NRG3: variants seen among roughly 807,000 people sequenced by gnomAD.
NRG3 encodes the protein neuregulin 3, also known as pro-neuregulin-3, membrane-bound isoform.
In NRG3, 31 loss-of-function variants were observed where a neutral mutation model predicts 66.9. The observed-to-expected ratio is 0.46, with a 90% CI of 0.35 to 0.63. The LOEUF (loss-of-function observed/expected upper bound fraction) is 0.63. NRG3 is among the 20% of genes least tolerant of loss of function. The pLI is 0.00. For missense variants in NRG3, 910 were observed against 878.9 expected (o/e 1.04, Z -0.45); for synonymous variants, 393 against 359.4 (o/e 1.09, Z -1.06).
chr10:82,475,134 A>G (rs1211366146), intron 2 of NRG3, among the ~76,000 whole-genome samples: 1 of 151,992 alleles, frequency 6.6e-6, no homozygotes, highest in Admixed American at 6.5e-5. Flanking sequence ...GAGAACAGAA[A>G]AAGAATAGAA....
intron 3 of NRG3, among the ~76,000 whole-genome samples, chr10:82,755,285 G>A (rs1467412285): frequency 6.6e-6 from 1 of 152,064 alleles, no homozygotes; most frequent in East Asian, 1.9e-4. Context: ...TGCCTTTGTA[G>A]TCACTACCAT....
At chr10:82,457,741 C>A (rs966056868) in intron 2 of NRG3, among the ~76,000 whole-genome samples, 1 of 152,166 alleles carries the variant, frequency 6.6e-6, no homozygotes, top group Non-Finnish European at 1.5e-5. Context: ...ATCCCCTGAC[C>A]AGCATCAGCC....
chr10:82,397,778 C>G (rs942890216), intron 2 of NRG3, among the ~76,000 whole-genome samples: 8 of 152,128 alleles, frequency 5.3e-5, no homozygotes, highest in African/African-American at 1.9e-4. Flanking sequence ...TCCCTCTTCA[C>G]AAAGAGAAAA....
At chr10:82,973,604 G>T (rs750113576) in intron 6 of NRG3, among the ~76,000 whole-genome samples, 184 bp from the exon 7 acceptor site, 2 of 152,116 alleles carry the variant, frequency 1.3e-5, no homozygotes, top group Non-Finnish European at 2.9e-5. Context: ...AGATGGTTGG[G>T]GCAGGGGAGG....
chr10:82,726,692 C>A (rs891135134), intron 2 of NRG3, among the ~76,000 whole-genome samples: 2 of 152,032 alleles, frequency 1.3e-5, no homozygotes, highest in Non-Finnish European at 2.9e-5. Flanking sequence ...AATTTGTTAC[C>A]AGTAGAGCGG....
chr10:81,994,181 CAT>C (rs10547326), intron 1 of NRG3, among the ~76,000 whole-genome samples: 2,365 of 152,196 alleles, frequency 0.016, 64 homozygotes, highest in African/African-American at 0.054. Context: ...TACAATCAAA[CAT>C]AGTATCTTCA....
intron 1 of NRG3, among the ~76,000 whole-genome samples, chr10:81,922,146 T>A (rs1846307877): frequency 6.6e-6 from 1 of 152,178 alleles, no homozygotes; most frequent in Non-Finnish European, 1.5e-5. Context: ...CGACTTTTTT[T>A]GTCATCTCAT....
chr10:82,874,991 A>G (rs1841678426), intron 4 of NRG3, among the ~76,000 whole-genome samples: 1 of 152,246 alleles, frequency 6.6e-6, no homozygotes, highest in Non-Finnish European at 1.5e-5. Flanking sequence ...AGCAAATGAA[A>G]TATGAACCAG....
chr10:82,367,557 AT>A (rs956761619), intron 2 of NRG3, among the ~76,000 whole-genome samples: 3 of 152,082 alleles, frequency 2.0e-5, no homozygotes, highest in Admixed American at 6.5e-5. Flanking sequence ...AAAGATAAAT[AT>A]TTTTTAAAGA....
intron 3 of NRG3, among the ~76,000 whole-genome samples, chr10:82,849,878 C>A (rs1024233090): frequency 2.2e-4 from 34 of 152,028 alleles, no homozygotes; most frequent in African/African-American, 8.2e-4. Flanking sequence ...TCCAGAGATG[C>A]CATGGGAGGG....
chr10:82,010,644 C>T (rs1228872082), intron 1 of NRG3, among the ~76,000 whole-genome samples: 1 of 152,146 alleles, frequency 6.6e-6, no homozygotes, highest in Admixed American at 6.5e-5. Flanking sequence ...TCAACAAAAA[C>T]GCTGCTTCTT....
At chr10:82,161,802 A>G (rs1333864223) in intron 1 of NRG3, among the ~76,000 whole-genome samples, 1 of 152,144 alleles carries the variant, frequency 6.6e-6, no homozygotes, top group East Asian at 1.9e-4. Flanking sequence ...CCTATTTGAC[A>G]GATGGAGATC....
intron 3 of NRG3, among the ~76,000 whole-genome samples, chr10:82,844,043 A>C (rs2063192110): frequency 6.6e-6 from 1 of 152,204 alleles, no homozygotes; most frequent in South Asian, 2.1e-4. Flanking sequence ...TATATATAAG[A>C]ACACAAATAA....
At chr10:82,294,676 G>A (rs2079954162) in intron 1 of NRG3, among the ~76,000 whole-genome samples, 1 of 152,120 alleles carries the variant, frequency 6.6e-6, no homozygotes, top group African/African-American at 2.4e-5. Context: ...TTCACCACAT[G>A]ATTTTCTCTC....
At chr10:82,437,018 G>C (rs1463994584) in intron 2 of NRG3, among the ~76,000 whole-genome samples, 1 of 151,920 alleles carries the variant, frequency 6.6e-6, no homozygotes, top group African/African-American at 2.4e-5. Context: ...TGTGTCTTGG[G>C]GTTGATCTTC....
At chr10:82,435,490 T>G (rs1259051542) in intron 2 of NRG3, among the ~76,000 whole-genome samples, 1 of 152,216 alleles carries the variant, frequency 6.6e-6, no homozygotes, top group African/African-American at 2.4e-5. Flanking sequence ...TTCTGCTGGC[T>G]TTTGGATTAG....
At chr10:82,627,790 T>C (rs955540733) in intron 2 of NRG3, among the ~76,000 whole-genome samples, 4 of 152,186 alleles carry the variant, frequency 2.6e-5, no homozygotes, top group African/African-American at 9.6e-5. Flanking sequence ...TTCTAGGTTA[T>C]ATAAAGGTAA....
chr10:82,255,552 G>C (rs532077610), intron 1 of NRG3, among the ~76,000 whole-genome samples: 4 of 152,044 alleles, frequency 2.6e-5, no homozygotes, highest in Non-Finnish European at 5.9e-5. Flanking sequence ...GAAAACTTCT[G>C]TACTGTTTTC....
chr10:82,802,815 G>T (rs767918615), intron 3 of NRG3, among the ~76,000 whole-genome samples: 3 of 151,914 alleles, frequency 2.0e-5, no homozygotes, highest in Non-Finnish European at 4.4e-5. Context: ...ACCAAGCCCA[G>T]CTAATTTTCG....
Sources: allele counts gnomAD v4.1 joint callset (sites outside exome capture counted in the v4.1 genomes callset), GRCh38; gene constraint gnomAD v4.1.1; transcripts MANE v1.5; gene names NCBI Gene and HGNC (gene_info 2026-07-23, HGNC 2026-07-21).